Variants in AUTS2 observed in about 807,000 individuals in gnomAD.
AUTS2 encodes the protein activator of transcription and developmental regulator AUTS2.
AUTS2 carries 17 observed loss-of-function variants against 112.4 expected under a neutral mutation model. That is an observed-to-expected ratio of 0.15 (90% confidence interval 0.10 to 0.23). AUTS2 has a LOEUF of 0.23. AUTS2 is among the 10% of genes least tolerant of loss of function. AUTS2 has a pLI of 1.00. For synonymous variants in AUTS2, 751 were observed against 702.7 expected, an observed-to-expected ratio of 1.07 and a Z score of -1.09; for missense variants, 1,510 against 1,701.6, an observed-to-expected ratio of 0.89 and a Z score of 1.98.
chr7:70,589,166 T>C (rs530941449), intron 5 of AUTS2, among the ~76,000 whole-genome samples: 1 of 152,298 alleles, frequency 6.6e-6, no homozygotes, highest in East Asian at 1.9e-4. Flanking sequence ...AGTGGAGCAG[T>C]GGCCTTCCAA....
chr7:69,600,995 A>T (rs1300926872), intron 1 of AUTS2, among the ~76,000 whole-genome samples: 1 of 151,842 alleles, frequency 6.6e-6, no homozygotes, highest in Non-Finnish European at 1.5e-5. Context: ...GGGGAAAGGG[A>T]AAAGGGAGGG....
chr7:70,660,188 GAAAAGAAAA>G (rs1003911304), intron 5 of AUTS2, among the ~76,000 whole-genome samples: 3 of 150,880 alleles, frequency 2.0e-5, no homozygotes, highest in African/African-American at 7.3e-5. Flanking sequence ...AAAAAAAAAA[GAAAAGAAAA>G]AAAGGAAAGA....
chr7:69,720,131 G>T lies in AUTS2; in HGVS notation c.309+120169G>T, dbSNP rs1254059330. On this transcript the variant is annotated intron_variant, in intron 1 of 18. Transcript: ENST00000342771. ...GGCATGGTAATGTGTGTAAGAAAAT[G>T]GAAAGCTGATGGGTTGGCTACCTGA... is the stretch of plus-strand genomic sequence containing the variant. Among the ~76,000 whole-genome samples the T allele has an allele frequency of 5.3e-5, 8 of 152,186 alleles. No individual in the cohort carries two copies. In the East Asian group the frequency reaches 1.5e-3, roughly 29 times the overall value.
At position 70,014,306 on chromosome 7, in the gene AUTS2, A is replaced by G. The variant is rs1799933855; in HGVS notation, c.523-103826A>G. On this transcript the variant is annotated intron_variant, in intron 2 of 18. Transcript: ENST00000342771. ...AAGCACTAAGTGAGGCATTGTTCTT[A>G]ACTAATTAGACAGATTAAAAAGGAA... Among the ~76,000 whole-genome samples, 3 of 152,156 alleles carry G rather than the reference A, an allele frequency of 2.0e-5. No homozygotes were observed. In the South Asian group the frequency reaches 6.2e-4, roughly 32 times the overall value.
At chr7:70,585,535 T>G (rs1802641014) in intron 5 of AUTS2, among the ~76,000 whole-genome samples, 1 of 152,224 alleles carries the variant, frequency 6.6e-6, no homozygotes, top group African/African-American at 2.4e-5. Flanking sequence ...AAGAGGCTTC[T>G]AGTCGGTCAT....
intron 4 of AUTS2, among the ~76,000 whole-genome samples, chr7:70,257,173 C>A (rs889353303): frequency 6.6e-6 from 1 of 152,120 alleles, no homozygotes; most frequent in Non-Finnish European, 1.5e-5. Flanking sequence ...TGGGGTCTCA[C>A]TCTATTACCC....
At chr7:69,741,156 C>T (rs927028933) in intron 1 of AUTS2, among the ~76,000 whole-genome samples, 1 of 152,080 alleles carries the variant, frequency 6.6e-6, no homozygotes, top group East Asian at 1.9e-4. Flanking sequence ...AGATGACAAG[C>T]GGAAATAGTA....
intron 4 of AUTS2, among the ~76,000 whole-genome samples, chr7:70,332,809 T>G (rs1403140179): frequency 6.6e-6 from 1 of 152,048 alleles, no homozygotes; most frequent in Admixed American, 6.6e-5. Flanking sequence ...ATACAAAAAT[T>G]AACTCAGGAT....
chr7:70,781,586 G>A (rs1791084147), intron 14 of AUTS2, 29 bp from the exon 15 acceptor site: 2 of 1,612,264 alleles, frequency 1.2e-6, no homozygotes, highest in African/African-American at 2.7e-5. Context: ...GTTGGCCTTG[G>A]GACCCTTACT....
At chr7:70,354,405 AG>A (rs2129624242) in intron 4 of AUTS2, among the ~76,000 whole-genome samples, 1 of 152,366 alleles carries the variant, frequency 6.6e-6, no homozygotes, top group South Asian at 2.1e-4. Flanking sequence ...TAAAAATAAT[AG>A]TACAAGTTCC....
intron 2 of AUTS2, among the ~76,000 whole-genome samples, chr7:70,049,411 C>A (rs190814239): frequency 0.038 from 5,845 of 151,822 alleles, 149 homozygotes; most frequent in Middle Eastern, 0.085. Flanking sequence ...CTCACTGCAA[C>A]CTCCACTTCC....
chr7:69,843,982 C>A (rs1792089860), intron 1 of AUTS2, among the ~76,000 whole-genome samples: 2 of 152,156 alleles, frequency 1.3e-5, no homozygotes, highest in African/African-American at 4.8e-5. Flanking sequence ...ATCTTTGTAT[C>A]ATGTGAGAGT....
At chr7:70,434,165 GT>G (rs1213276276) in intron 4 of AUTS2, among the ~76,000 whole-genome samples, 2 of 152,322 alleles carry the variant, frequency 1.3e-5, no homozygotes, top group East Asian at 3.9e-4. Context: ...AGACAAAATT[GT>G]TTCTAGAGCC....
At chr7:70,702,839 C>T (rs749558194) in intron 6 of AUTS2, among the ~76,000 whole-genome samples, 1 of 152,178 alleles carries the variant, frequency 6.6e-6, no homozygotes, top group East Asian at 1.9e-4. Flanking sequence ...CCCTACCAGG[C>T]CTATTAGTGG....
chr7:70,264,885 C>T (rs952706246), intron 4 of AUTS2, among the ~76,000 whole-genome samples: 2 of 152,142 alleles, frequency 1.3e-5, no homozygotes, highest in African/African-American at 4.8e-5. Context: ...GATGGTTAGA[C>T]ACTTAGACCC....
At chr7:70,043,498 C>G (rs186054312) in intron 2 of AUTS2, among the ~76,000 whole-genome samples, 2 of 151,480 alleles carry the variant, frequency 1.3e-5, no homozygotes, top group African/African-American at 2.4e-5. Context: ...ACTAAATGCT[C>G]TCTCCCGTTT....
At chr7:70,269,795 G>A (rs12698886) in intron 4 of AUTS2, among the ~76,000 whole-genome samples, 33,414 of 152,046 alleles carry the variant, frequency 0.22, 3,668 homozygotes, top group Middle Eastern at 0.32. Flanking sequence ...TTGGCTCTTG[G>A]TAGATATATT....
chr7:70,453,626 A>G (rs1454782657), intron 5 of AUTS2, among the ~76,000 whole-genome samples: 2 of 152,264 alleles, frequency 1.3e-5, no homozygotes, highest in African/African-American at 4.8e-5. Flanking sequence ...CAGACGCTCT[A>G]AAGGAGAATT....
At position 69,949,310 on chromosome 7, in the gene AUTS2, A is replaced by G. The variant is rs187630679; in HGVS notation, c.522+49812A>G. Among the ~76,000 whole-genome samples the G allele has an allele frequency of 5.3e-3, 810 of 152,346 alleles. 3 individuals carry two copies. The highest frequency in any genetic ancestry group is 5.8e-3 in the Non-Finnish European group (393 of 68,034). On this transcript the variant is annotated intron_variant, in intron 2 of 18. Transcript: ENST00000342771. ...TCTCATGCCTCAGCAGTAATGAAAC[A>G]TATACTGAGTGCTTATTGTGGGTCA...
Sources: gnomAD v4.1 joint callset for allele counts (sites outside exome capture counted in the v4.1 genomes callset) on GRCh38, gnomAD v4.1.1 for gene constraint, MANE v1.5 for transcripts, NCBI Gene and HGNC (gene_info 2026-07-23, HGNC 2026-07-21) for gene names.